ASH2L: variants seen among roughly 807,000 people sequenced by gnomAD.
ASH2L encodes the protein set1/Ash2 histone methyltransferase complex subunit ASH2.
A neutral mutation model predicts 81.1 loss-of-function variants in ASH2L; 30 were observed. The ratio of observed to expected loss-of-function variants is 0.37; its 90% CI spans 0.28 to 0.50. The LOEUF is 0.50. Among genes scored for constraint, ASH2L ranks in the 20% least tolerant of loss-of-function variants. The pLI, the probability that ASH2L is intolerant of heterozygous loss-of-function variation, is 0.95. For missense variants in ASH2L, 559 were observed against 792.1 expected (o/e 0.71, Z 3.53); for synonymous variants, 273 against 279.9 (o/e 0.98, Z 0.24).
intron 15 of ASH2L, 24 bp downstream of exon 15, chr8:38,138,899 C>T (rs1334796154): frequency 6.2e-6 from 10 of 1,613,672 alleles, no homozygotes; most frequent in Non-Finnish European, 8.5e-6. Flanking sequence ...CAAATGGCTG[C>T]ATGTGTCCTC....
intron 1 of ASH2L, 161 bp downstream of exon 1, chr8:38,105,899 A>G (rs1368462665): frequency 4.1e-6 from 6 of 1,458,676 alleles, no homozygotes; most frequent in African/African-American, 1.4e-5. Context: ...TCTCAAGCAT[A>G]TCTCGGATAA....
At position 38,119,237 on chromosome 8, in the gene ASH2L, G is replaced by A. The variant is rs1300550401; in HGVS notation, c.854-33G>A. ...GTATCCACATGGTGTTTCCCTTGTG[G>A]CTCATTGAAAGCAATCTGCCTTCTC... On this transcript the variant is annotated intron_variant, in intron 8 of 15. Coordinates refer to ENST00000343823, the MANE Select transcript of ASH2L (RefSeq NM_004674.5). 1.2e-5 allele frequency: 18 copies of A among 1,539,224 alleles called. No homozygotes were observed. The Admixed American group carries it at 3.4e-4, about 29-fold the overall frequency.
intron 10 of ASH2L, among the ~76,000 whole-genome samples, chr8:38,121,489 A>G (rs1012667938): frequency 6.6e-6 from 1 of 151,710 alleles, no homozygotes; most frequent in Admixed American, 6.6e-5. Context: ...TTAGAAAACC[A>G]TAGTACAGTT....
chr8:38,105,671 GCTC>G lies in ASH2L; in HGVS notation c.127_129del (p.Pro43del). ...GAAGCCGGTGGCAGCGGGAGCAGCC[GCTC>G]CTCCTGGAGAGGGGATCTCTGCTGC... On this transcript the variant is annotated inframe_deletion, in exon 1 of 16. Transcript: ENST00000343823. 1 of 1,589,752 alleles carries G rather than the reference GCTC, an allele frequency of 6.3e-7. No homozygotes were observed. The highest frequency in any genetic ancestry group is 8.6e-7 in the Non-Finnish European group (1 of 1,169,388).
At position 38,119,257 on chromosome 8, in the gene ASH2L, C is replaced by A. The variant is rs1254329570; in HGVS notation, c.854-13C>A. The A allele has an allele frequency of 6.5e-7, 1 of 1,548,956 alleles. No homozygotes were observed. The highest frequency in any genetic ancestry group is 2.0e-5 in the Admixed American group (1 of 50,546). On this transcript the variant is annotated splice_polypyrimidine_tract_variant and intron_variant, in intron 8 of 15. Transcript: ENST00000343823. ...TTGTGGCTCATTGAAAGCAATCTGC[C>A]TTCTCTTCAAAGGGGGAATTGCAGC...
At chr8:38,136,759 C>T (rs1802270841) in intron 14 of ASH2L, among the ~76,000 whole-genome samples, 6 of 143,304 alleles carry the variant, frequency 4.2e-5, no homozygotes, top group Non-Finnish European at 7.5e-5. Context: ...GGTGACAAAA[C>T]GAGACTCTGT....
chr8:38,136,277 C>A (rs1010582179), intron 14 of ASH2L, among the ~76,000 whole-genome samples: 1 of 151,292 alleles, frequency 6.6e-6, no homozygotes, highest in African/African-American at 2.4e-5. Context: ...ACTACATTGC[C>A]CTGGCTGGTC....
intron 11 of ASH2L, 83 bp from the exon 12 acceptor site, chr8:38,128,675 A>G (rs2130555499): frequency 6.5e-7 from 1 of 1,548,760 alleles, no homozygotes; most frequent in Non-Finnish European, 8.7e-7. Flanking sequence ...AAAAACATAA[A>G]AAGAAATAGG....
At chr8:38,108,878 G>A (rs1033003154) in intron 3 of ASH2L, among the ~76,000 whole-genome samples, 2 of 152,142 alleles carry the variant, frequency 1.3e-5, no homozygotes, top group African/African-American at 4.8e-5. Flanking sequence ...CCAGGACTTC[G>A]AGACTAGCCT....
chr8:38,131,994 G>A (rs975221044), intron 12 of ASH2L, among the ~76,000 whole-genome samples: 8 of 152,168 alleles, frequency 5.3e-5, no homozygotes, highest in East Asian at 1.9e-4. Flanking sequence ...GATTACAGGC[G>A]TGCACCACCA....
At chr8:38,105,808 G>C (rs1810396505) in intron 1 of ASH2L, 70 bp downstream of exon 1, 1 of 1,479,554 alleles carries the variant, frequency 6.8e-7, no homozygotes, top group Non-Finnish European at 8.9e-7. Flanking sequence ...GCGGCTCCTG[G>C]AGCCCTGCCG....
intron 12 of ASH2L, among the ~76,000 whole-genome samples, chr8:38,130,488 A>G (rs1802014088): frequency 1.3e-5 from 2 of 151,780 alleles, no homozygotes; most frequent in African/African-American, 4.8e-5. Context: ...CTTTCCATGA[A>G]TTTAAAAAAA....
intron 10 of ASH2L, among the ~76,000 whole-genome samples, 184 bp downstream of exon 10, chr8:38,121,333 TTATATATATATATATATATATA>T (rs71216649): frequency 1.7e-5 from 1 of 59,668 alleles, no homozygotes; most frequent in African/African-American, 6.3e-5. Context: ...GCCGTTTTAT[TTATATATATATATATATATATA>T]TATATATATA....
rs373781662 is a variant in ASH2L at position 38,134,141 on chromosome 8, A to G, written c.1620+595A>G. 1.6e-3 allele frequency among the ~76,000 whole-genome samples: 239 copies of G among 152,288 alleles called. 1 individual carries two copies. Among genetic ancestry groups the G allele is most frequent in the Middle Eastern group, 6.8e-3 (2 of 294 alleles). ...GAAGGCAGCATGCTCGTTAAGAGTC[A>G]TCACCACTCCCTAATCTCAAGTACC... On this transcript the variant is annotated intron_variant, in intron 13 of 15. Transcript: ENST00000343823.
chr8:38,106,411 G>A lies in ASH2L; in HGVS notation c.222G>A (p.Leu74=). 6.2e-7 allele frequency: 1 copy of A among 1,614,040 alleles called. No homozygotes were observed. The highest frequency in any genetic ancestry group is 8.5e-7 in the Non-Finnish European group (1 of 1,179,980). The change falls in exon 2 of 16, where the codon TTG becomes TTA. Residue 74 remains leucine (L), a synonymous_variant. Coordinates refer to ENST00000343823, the MANE Select transcript of ASH2L (RefSeq NM_004674.5). ...EANLVDVSGG[L]ETESSNGKDT... ...ACTTGGTCGATGTAAGCGGTGGCTT[G>A]GAGACAGAATCATCTAATGGAAAAG...
At chr8:38,113,814 TC>T (rs1810784608) in intron 5 of ASH2L, among the ~76,000 whole-genome samples, 1 of 151,824 alleles carries the variant, frequency 6.6e-6, no homozygotes, top group Non-Finnish European at 1.5e-5. Flanking sequence ...AAGTTTGAGG[TC>T]CCTTTAGGAT....
chr8:38,137,498 G>T (rs1426277071), intron 14 of ASH2L: 1 of 152,238 alleles, frequency 6.6e-6, no homozygotes, highest in Admixed American at 6.5e-5. Flanking sequence ...AGGAAGTGGA[G>T]CTTGCAGTGA....
chr8:38,135,986 C>T (rs1003317342), intron 14 of ASH2L, among the ~76,000 whole-genome samples: 1 of 152,002 alleles, frequency 6.6e-6, no homozygotes, highest in Non-Finnish European at 1.5e-5. Flanking sequence ...CCATACTTTT[C>T]CCTTGAGCAC....
At position 38,133,577 on chromosome 8, in the gene ASH2L, A is replaced by C. The variant is rs752527213; in HGVS notation, c.1620+31A>C. ...TCATGGCCATAAGAACATTAGAATC[A>C]TAAGGCCTTGAGCGTTAGGACCCAT... On this transcript the variant is annotated intron_variant, in intron 13 of 15. Coordinates refer to ENST00000343823, the MANE Select transcript of ASH2L (RefSeq NM_004674.5). 2.6e-6 allele frequency: 4 copies of C among 1,513,094 alleles called. No homozygotes were observed. The African/African-American group carries it at 5.6e-5, about 21-fold the overall frequency. 93.7% of individuals were successfully genotyped at this position (1,513,094 alleles called of 1,614,324 possible).
Sources: allele counts gnomAD v4.1 joint callset (sites outside exome capture counted in the v4.1 genomes callset), GRCh38; gene constraint gnomAD v4.1.1; transcripts MANE v1.5; gene names NCBI Gene and HGNC (gene_info 2026-07-23, HGNC 2026-07-21).